The following FILIP1L variants were observed in gnomAD, a reference collection of about 807,000 sequenced individuals.
FILIP1L encodes filamin A interacting protein 1 like, also known as filamin A-interacting protein 1-like.
In FILIP1L, 55 loss-of-function variants were observed where a neutral mutation model predicts 96.6. The observed-to-expected ratio is 0.57, with a 90% CI of 0.46 to 0.71. The LOEUF is 0.71. Ranked by LOEUF, FILIP1L falls within the 30% of genes least tolerant of loss-of-function variation. The pLI is 0.00. For synonymous variants in FILIP1L, 467 were observed against 473.9 expected (o/e 0.99, Z 0.19); for missense variants, 1,304 against 1,321.2 (o/e 0.99, Z 0.20).
chr3:100,068,996 C>T (rs1397325662), intron 1 of FILIP1L, among the ~76,000 whole-genome samples: 1 of 152,190 alleles, frequency 6.6e-6, no homozygotes, highest in Non-Finnish European at 1.5e-5. Context: ...TGCCGTTCTG[C>T]TCCACAAACC....
chr3:100,012,989 G>C (rs1156450188), intron 1 of FILIP1L, among the ~76,000 whole-genome samples: 1 of 151,668 alleles, frequency 6.6e-6, no homozygotes, highest in Non-Finnish European at 1.5e-5. Flanking sequence ...GGAGAGACAG[G>C]GTTTTGTCAT....
intron 1 of FILIP1L, among the ~76,000 whole-genome samples, chr3:100,024,149 C>T (rs567494285): frequency 1.3e-5 from 2 of 152,184 alleles, no homozygotes; most frequent in Middle Eastern, 3.4e-3. Flanking sequence ...GTGTCATGGT[C>T]GCCTATTTCA....
chr3:100,088,988 TAC>T (rs1447867225), intron 1 of FILIP1L, among the ~76,000 whole-genome samples: 1 of 152,242 alleles, frequency 6.6e-6, no homozygotes, highest in Non-Finnish European at 1.5e-5. Flanking sequence ...AATCATGGTT[TAC>T]ACTCTCCAGA....
At chr3:99,920,245 CA>C (rs1289941636) in intron 4 of FILIP1L, among the ~76,000 whole-genome samples, 1 of 150,844 alleles carries the variant, frequency 6.6e-6, no homozygotes, top group African/African-American at 2.4e-5. Context: ...TGCATGGTTT[CA>C]AAAAAAAGCA....
At chr3:100,014,807 A>AT (rs201338660) in intron 1 of FILIP1L, among the ~76,000 whole-genome samples, 3,092 of 64,502 alleles carry the variant, frequency 0.048, 75 homozygotes, top group African/African-American at 0.1. Flanking sequence ...CATTCTATTG[A>AT]TTTTTTTTTT....
At chr3:100,000,520 T>G (rs774906845) in intron 1 of FILIP1L, among the ~76,000 whole-genome samples, 4 of 151,926 alleles carry the variant, frequency 2.6e-5, no homozygotes, top group Admixed American at 1.3e-4. Flanking sequence ...GGGTGAAAAT[T>G]TGATGGGAAG....
At position 99,846,717 on chromosome 3, in the gene FILIP1L, A is replaced by G. The variant is rs374250582; in HGVS notation, c.3381+1578T>C. The stretch of plus-strand genomic sequence containing the variant: ...GTCAACAAATCCTCGCTTTACTATC[A>G]TGAAATTGATTTTGTAGGGGAAAGG... On this transcript the variant is annotated intron_variant, in intron 5 of 5. Transcript: ENST00000477258. Among the ~76,000 whole-genome samples, 67 of 152,334 alleles carry G rather than the reference A, an allele frequency of 4.4e-4. 1 individual carries two copies. In the South Asian group the frequency reaches 0.013, roughly 31 times the overall value.
chr3:100,048,972 T>C (rs2065324144), intron 1 of FILIP1L, among the ~76,000 whole-genome samples: 1 of 152,206 alleles, frequency 6.6e-6, no homozygotes, highest in Non-Finnish European at 1.5e-5. Flanking sequence ...CACACAATTG[T>C]CTATTTTCAA....
chr3:100,005,668 C>G (rs145942856), intron 1 of FILIP1L, among the ~76,000 whole-genome samples: 1,836 of 152,224 alleles, frequency 0.012, 24 homozygotes, highest in African/African-American at 0.027. Flanking sequence ...AATTTATAAG[C>G]CTCTTTGAAA....
intron 1 of FILIP1L, among the ~76,000 whole-genome samples, chr3:100,039,573 A>AT (rs2065166331): frequency 6.6e-6 from 1 of 152,202 alleles, no homozygotes; most frequent in African/African-American, 2.4e-5. Flanking sequence ...CAGATACCAA[A>AT]TAAGATCTAG....
chr3:99,933,457 C>G (rs1372472067), intron 1 of FILIP1L, among the ~76,000 whole-genome samples: 1 of 151,974 alleles, frequency 6.6e-6, no homozygotes, highest in Non-Finnish European at 1.5e-5. Context: ...GTGTGTATAT[C>G]TATTTATTTA....
At chr3:100,054,522 GTTATGTTA>G (rs2065430305) in intron 1 of FILIP1L, among the ~76,000 whole-genome samples, 2 of 151,906 alleles carry the variant, frequency 1.3e-5, no homozygotes, top group Non-Finnish European at 1.5e-5. Flanking sequence ...GTTATGTTAT[GTTATGTTA>G]TGTTATGTTA....
At chr3:99,883,847 G>A (rs1049196765) in intron 4 of FILIP1L, among the ~76,000 whole-genome samples, 2 of 152,210 alleles carry the variant, frequency 1.3e-5, no homozygotes. Context: ...GAGGAACAGA[G>A]AGGTTAGGTA....
At chr3:100,087,375 G>A (rs573578594) in intron 1 of FILIP1L, among the ~76,000 whole-genome samples, 1 of 152,294 alleles carries the variant, frequency 6.6e-6, no homozygotes, top group East Asian at 1.9e-4. Context: ...TTGTCAGTGG[G>A]TTAGTTTGGT....
chr3:99,896,903 A>G (rs1192382299), intron 4 of FILIP1L, among the ~76,000 whole-genome samples: 1 of 152,218 alleles, frequency 6.6e-6, no homozygotes, highest in African/African-American at 2.4e-5. Context: ...GCTGAAGTCC[A>G]TTTCCACTCA....
intron 4 of FILIP1L, among the ~76,000 whole-genome samples, chr3:99,914,760 G>T (rs530386109): frequency 4.6e-5 from 7 of 152,350 alleles, no homozygotes; most frequent in South Asian, 2.1e-4. Context: ...TCATTGGAAT[G>T]TGAGGCCATT....
At chr3:99,914,702 A>G (rs988889841) in intron 4 of FILIP1L, among the ~76,000 whole-genome samples, 2 of 152,240 alleles carry the variant, frequency 1.3e-5, no homozygotes, top group African/African-American at 4.8e-5. Flanking sequence ...TGACTTAGCA[A>G]TTTCACATAT....
intron 1 of FILIP1L, among the ~76,000 whole-genome samples, chr3:100,001,057 T>C (rs527643264): frequency 6.6e-6 from 1 of 152,266 alleles, no homozygotes; most frequent in South Asian, 2.1e-4. Flanking sequence ...ACACACACAC[T>C]CTTCCCAAAA....
At chr3:99,952,339 T>A (rs961267974) in intron 1 of FILIP1L, among the ~76,000 whole-genome samples, 2 of 152,214 alleles carry the variant, frequency 1.3e-5, no homozygotes, top group African/African-American at 4.8e-5. Context: ...AAATTATCAC[T>A]ATACAATTCA....
Sources: allele counts gnomAD v4.1 joint callset (sites outside exome capture counted in the v4.1 genomes callset), GRCh38; gene constraint gnomAD v4.1.1; transcripts MANE v1.5; gene names NCBI Gene and HGNC (gene_info 2026-07-23, HGNC 2026-07-21).